SORCS3: variants seen among roughly 807,000 people sequenced by gnomAD.
SORCS3 encodes sortilin related VPS10 domain containing receptor 3, also known as VPS10 domain-containing receptor SorCS3.
Under a neutral mutation model 146.3 loss-of-function variants are expected in SORCS3, and 57 were observed. The observed-to-expected ratio is 0.39, with a 90% confidence interval of 0.31 to 0.49. The LOEUF is 0.49. SORCS3 is among the 20% of genes least tolerant of loss of function. SORCS3 has a pLI of 0.92. For missense variants in SORCS3, 1,341 were observed against 1,575.5 expected, an observed-to-expected ratio of 0.85 and a Z score of 2.52; for synonymous variants, 653 against 618.5, an observed-to-expected ratio of 1.06 and a Z score of -0.83.
intron 1 of SORCS3, among the ~76,000 whole-genome samples, chr10:104,771,390 AG>A (rs1482160625): frequency 1.3e-5 from 2 of 152,180 alleles, no homozygotes; most frequent in Non-Finnish European, 2.9e-5. Flanking sequence ...GCAAGAGTAG[AG>A]GTGGCTCATG....
intron 1 of SORCS3, among the ~76,000 whole-genome samples, chr10:104,725,387 C>A (rs537686964): frequency 2.0e-5 from 3 of 152,340 alleles, no homozygotes; most frequent in Admixed American, 2.0e-4. Context: ...TCTGCCCCTA[C>A]TGGGGGTTGC....
intron 1 of SORCS3, among the ~76,000 whole-genome samples, chr10:104,802,988 G>A (rs1047560601): frequency 6.6e-5 from 10 of 152,226 alleles, no homozygotes; most frequent in Admixed American, 2.6e-4. Context: ...GTTCTGCTCC[G>A]CAAGGTCATC....
At chr10:104,704,865 C>T (rs1453785386) in intron 1 of SORCS3, among the ~76,000 whole-genome samples, 1 of 152,114 alleles carries the variant, frequency 6.6e-6, no homozygotes, top group Non-Finnish European at 1.5e-5. Flanking sequence ...GGTGCTTGGC[C>T]TACTCTCCCC....
At chr10:104,841,315 T>C (rs1054778697) in intron 1 of SORCS3, among the ~76,000 whole-genome samples, 1 of 152,142 alleles carries the variant, frequency 6.6e-6, no homozygotes, top group Non-Finnish European at 1.5e-5. Flanking sequence ...TCTACTGTTC[T>C]ACAAATAGCC....
In SORCS3 at chr10:105,212,246, T is replaced by G. The variant is rs192708004; in HGVS notation, c.2375+996T>G. 7.9e-5 allele frequency among the ~76,000 whole-genome samples: 12 copies of G among 152,326 alleles called. 1 individual carries two copies. In the East Asian group the frequency reaches 2.3e-3, roughly 29 times the overall value. Reference sequence around the variant, plus strand: ...CTGAAATGCATGCCAACTATTTAGTTCTGGGAGGGCTATTCCTGGAGCCTG... The same window carrying G: ...CTGAAATGCATGCCAACTATTTAGTGCTGGGAGGGCTATTCCTGGAGCCTG... On this transcript the variant is annotated intron_variant, in intron 17 of 26. Transcript: ENST00000369701.
chr10:104,776,237 C>T (rs1278674147), intron 1 of SORCS3, among the ~76,000 whole-genome samples: 1 of 152,036 alleles, frequency 6.6e-6, no homozygotes, highest in South Asian at 2.1e-4. Flanking sequence ...CCATGGTGGT[C>T]TGGGGAGGTT....
In SORCS3 at chr10:105,000,051, C is replaced by A. The variant is rs2055051705; in HGVS notation, c.954+22558C>A. On this transcript the variant is annotated intron_variant, in intron 4 of 26. Coordinates refer to ENST00000369701, the MANE Select transcript of SORCS3 (RefSeq NM_014978.3). ...AAGCTCAGCTCTGGTCATGCATTCA[C>A]CTGCTGAATGAATGAATGAATGAAT... Among the ~76,000 whole-genome samples the A allele has an allele frequency of 2.1e-5, 3 of 142,008 alleles. No individual in the cohort carries two copies. The South Asian group carries it at 6.4e-4, about 30-fold the overall frequency. The allele number at this position is 142,008 out of a possible 152,430, so 93.2% of individuals were successfully genotyped here. A position where few individuals can be genotyped will look rare whatever the true frequency, so the allele number is the denominator to read the frequency against.
At chr10:104,770,320 T>C (rs2017233490) in intron 1 of SORCS3, among the ~76,000 whole-genome samples, 1 of 152,148 alleles carries the variant, frequency 6.6e-6, no homozygotes, top group Non-Finnish European at 1.5e-5. Flanking sequence ...ATTATCTCAG[T>C]GTTTCCAGAA....
At chr10:104,795,356 G>A (rs1404281231) in intron 1 of SORCS3, among the ~76,000 whole-genome samples, 3 of 152,158 alleles carry the variant, frequency 2.0e-5, no homozygotes, top group Non-Finnish European at 4.4e-5. Context: ...TAAAAAAATG[G>A]TGAATAGTTT....
chr10:104,845,462 G>A (rs1387743001), intron 2 of SORCS3, among the ~76,000 whole-genome samples: 5 of 152,190 alleles, frequency 3.3e-5, no homozygotes, highest in Admixed American at 2.6e-4. Flanking sequence ...AAAACATTTA[G>A]TCCAGTAACT....
intron 1 of SORCS3, among the ~76,000 whole-genome samples, chr10:104,667,461 T>G (rs765921571): frequency 6.6e-6 from 1 of 152,226 alleles, no homozygotes; most frequent in Non-Finnish European, 1.5e-5. Context: ...ACTGTTCCCC[T>G]GTTTTATATC....
chr10:104,881,180 A>T (rs1274209584), intron 2 of SORCS3, among the ~76,000 whole-genome samples: 2 of 152,240 alleles, frequency 1.3e-5, no homozygotes, highest in Non-Finnish European at 1.5e-5. Context: ...TTACAAACAC[A>T]CAGAGGTTTA....
intron 3 of SORCS3, among the ~76,000 whole-genome samples, chr10:104,950,375 T>C (rs1056267920): frequency 6.6e-6 from 1 of 152,166 alleles, no homozygotes; most frequent in Non-Finnish European, 1.5e-5. Flanking sequence ...CCGTATAATC[T>C]AGGGTATGTT....
At chr10:104,876,022 A>G (rs762302766) in intron 2 of SORCS3, among the ~76,000 whole-genome samples, 2 of 152,110 alleles carry the variant, frequency 1.3e-5, no homozygotes, top group African/African-American at 2.4e-5. Context: ...TTTTTCCCCT[A>G]GTTACTATTA....
chr10:104,739,130 A>G (rs1412519412), intron 1 of SORCS3, among the ~76,000 whole-genome samples: 1 of 152,206 alleles, frequency 6.6e-6, no homozygotes, highest in African/African-American at 2.4e-5. Flanking sequence ...CAGCACAGGT[A>G]TCATCACTTT....
At chr10:104,644,826 C>T (rs940776317) in intron 1 of SORCS3, among the ~76,000 whole-genome samples, 1 of 152,106 alleles carries the variant, frequency 6.6e-6, no homozygotes, top group Non-Finnish European at 1.5e-5. Context: ...ATATGAGTTC[C>T]CTTTTGGGGA....
At chr10:104,943,402 A>G (rs2019339961) in intron 3 of SORCS3, among the ~76,000 whole-genome samples, 1 of 152,238 alleles carries the variant, frequency 6.6e-6, no homozygotes, top group African/African-American at 2.4e-5. Context: ...CTATGATTAC[A>G]GGCATAAGCC....
rs908761823 is a variant in SORCS3, at chr10:105,098,435, G to C, written c.1094-6962G>C. Among the ~76,000 whole-genome samples, 4 of 152,182 alleles carry C rather than the reference G, an allele frequency of 2.6e-5. No individual in the cohort carries two copies. In the South Asian group the frequency reaches 8.3e-4, roughly 32 times the overall value. On this transcript the variant is annotated intron_variant, in intron 6 of 26. Coordinates refer to ENST00000369701, the MANE Select transcript of SORCS3 (RefSeq NM_014978.3). ...CAACTTGCCCAAGGTCACATAGACG[G>C]CTAGTGACAGGGAGTGACCCAGTGT...
intron 1 of SORCS3, among the ~76,000 whole-genome samples, chr10:104,838,409 G>C (rs1281420357): frequency 1.3e-5 from 2 of 152,104 alleles, no homozygotes; most frequent in Non-Finnish European, 1.5e-5. Flanking sequence ...TGAGTGGTGG[G>C]AGAGGTCGGG....
Sources: allele counts gnomAD v4.1 joint callset (sites outside exome capture counted in the v4.1 genomes callset), GRCh38; gene constraint gnomAD v4.1.1; transcripts MANE v1.5; gene names NCBI Gene and HGNC (gene_info 2026-07-23, HGNC 2026-07-21).